Variants in NTM observed in about 807,000 individuals in gnomAD.
NTM encodes the protein neurotrimin.
A neutral mutation model predicts 42.1 loss-of-function variants in NTM; 13 were observed. The observed-to-expected ratio is 0.31, with a 90% confidence interval of 0.20 to 0.49. NTM has a LOEUF of 0.49. NTM is among the 20% of genes least tolerant of loss of function. The pLI is 0.99. For synonymous variants in NTM, 187 were observed against 179.2 expected, an observed-to-expected ratio of 1.04 and a Z score of -0.35; for missense variants, 373 against 452.8, an observed-to-expected ratio of 0.82 and a Z score of 1.60.
At chr11:131,717,099 C>T (rs914006542) in intron 1 of NTM, among the ~76,000 whole-genome samples, 9 of 152,164 alleles carry the variant, frequency 5.9e-5, no homozygotes, top group African/African-American at 9.7e-5. Flanking sequence ...TCTCACCCTC[C>T]CAAAGTGCTG....
At chr11:131,460,197 C>CT (rs1290896255) in intron 1 of NTM, among the ~76,000 whole-genome samples, 1 of 152,138 alleles carries the variant, frequency 6.6e-6, no homozygotes, top group Non-Finnish European at 1.5e-5. Flanking sequence ...GATGAATAGA[C>CT]TAGGTCATGT....
Position 132,003,824 on chromosome 11 carries a change from ATGT to A in NTM, c.167+92181_167+92183del, listed in dbSNP as rs1273241555. On this transcript the variant is annotated intron_variant, in intron 2 of 8. Transcript: ENST00000683400. The surrounding 1 kb of genome is among the most constrained non-coding windows in gnomAD (Gnocchi z 6.0). ...CACTTACAGAACCAGCTTCATTGAG[ATGT>A]TGTTTAAAATTGATTTCTCACCTAG... 6.6e-6 allele frequency among the ~76,000 whole-genome samples: 1 copy of A among 152,126 alleles called. No homozygotes were observed. Among genetic ancestry groups the A allele is most frequent in the East Asian group, 1.9e-4 (1 of 5,192 alleles).
At chr11:132,220,885 A>G (rs1306044276) in intron 4 of NTM, among the ~76,000 whole-genome samples, 1 of 152,216 alleles carries the variant, frequency 6.6e-6, no homozygotes, top group African/African-American at 2.4e-5. Context: ...TAGCCCCTAC[A>G]GGGCAGGAGA....
chr11:132,139,328 C>CA (rs201510678), intron 2 of NTM, among the ~76,000 whole-genome samples: 298 of 152,074 alleles, frequency 2.0e-3, no homozygotes, highest in African/African-American at 6.6e-3. Context: ...GTTATTGAAT[C>CA]AAAAAAATGG....
rs148788166 is a variant in NTM, at chr11:132,003,074, C to T, written c.167+91426C>T. ...AGTGAGCGCACTAAACAGTAAGATG[C>T]GCTGCCACAGTTGTGTGTGTAATTG... is the stretch of plus-strand genomic sequence containing the variant. On this transcript the variant is annotated intron_variant, in intron 2 of 8. Transcript: ENST00000683400. This position sits in a 1 kb window ranked among gnomAD's most constrained non-coding sequence, Gnocchi z 6.0. Among the ~76,000 whole-genome samples, 1,456 of 152,130 alleles carry T rather than the reference C, an allele frequency of 9.6e-3. 13 individuals carry two copies. Among genetic ancestry groups the T allele is most frequent in the Non-Finnish European group, 0.016 (1,101 of 68,018 alleles).
chr11:131,507,126 T>G (rs542292732), intron 1 of NTM, among the ~76,000 whole-genome samples: 1 of 152,298 alleles, frequency 6.6e-6, no homozygotes, highest in South Asian at 2.1e-4. Flanking sequence ...ATTATTTTCT[T>G]TCCACTTCAG....
chr11:131,998,024 C>T (rs1343944460), intron 2 of NTM, among the ~76,000 whole-genome samples: 1 of 152,048 alleles, frequency 6.6e-6, no homozygotes, highest in Non-Finnish European at 1.5e-5. Flanking sequence ...TCAAGGCAAC[C>T]CCTCCCACCC....
chr11:132,167,864 A>G (rs1323564549), intron 3 of NTM, among the ~76,000 whole-genome samples: 1 of 152,196 alleles, frequency 6.6e-6, no homozygotes, highest in Non-Finnish European at 1.5e-5. Flanking sequence ...TGACCCAGAT[A>G]TCCAGACCAG....
intron 1 of NTM, among the ~76,000 whole-genome samples, chr11:131,889,519 A>C (rs996623782): frequency 6.6e-6 from 1 of 152,144 alleles, no homozygotes; most frequent in Non-Finnish European, 1.5e-5. Context: ...TTGACGGCCC[A>C]GTGTGTGGGC....
At chr11:131,488,091 A>G (rs530263704) in intron 1 of NTM, among the ~76,000 whole-genome samples, 1 of 152,264 alleles carries the variant, frequency 6.6e-6, no homozygotes, top group South Asian at 2.1e-4. Context: ...CAGACTCTAT[A>G]CCTACAGGGG....
At chr11:131,725,608 C>A (rs789544) in intron 1 of NTM, among the ~76,000 whole-genome samples, 1 of 152,004 alleles carries the variant, frequency 6.6e-6, no homozygotes, top group Non-Finnish European at 1.5e-5. Flanking sequence ...ACATCAAGGA[C>A]GTCACAGTAG....
chr11:131,484,017 G>A (rs1342630812), intron 1 of NTM, among the ~76,000 whole-genome samples: 5 of 152,290 alleles, frequency 3.3e-5, no homozygotes, highest in Admixed American at 2.0e-4. Flanking sequence ...TAGCCATGGC[G>A]CCCTAATTTT....
chr11:131,704,885 GT>G (rs1356649370), intron 1 of NTM, among the ~76,000 whole-genome samples: 1 of 152,108 alleles, frequency 6.6e-6, no homozygotes, highest in Non-Finnish European at 1.5e-5. Flanking sequence ...AGGAGAATCA[GT>G]GAGCTCAAAG....
chr11:131,611,210 T>A (rs950766931), intron 1 of NTM, among the ~76,000 whole-genome samples: 1 of 152,140 alleles, frequency 6.6e-6, no homozygotes, highest in African/African-American at 2.4e-5. Flanking sequence ...CAAAAAAATG[T>A]GAGTCAGGAA....
intron 1 of NTM, among the ~76,000 whole-genome samples, chr11:131,403,908 A>G (rs530181796): frequency 6.6e-6 from 1 of 152,260 alleles, no homozygotes; most frequent in South Asian, 2.1e-4. Flanking sequence ...ATCTCAATTT[A>G]TGCTCTGGGG....
At chr11:131,716,290 T>C (rs1385322258) in intron 1 of NTM, among the ~76,000 whole-genome samples, 1 of 152,140 alleles carries the variant, frequency 6.6e-6, no homozygotes, top group Non-Finnish European at 1.5e-5. Context: ...TACCATCACC[T>C]TGAGAGTTAG....
chr11:131,376,459 CT>C (rs1384670493), intron 1 of NTM, among the ~76,000 whole-genome samples: 8 of 152,138 alleles, frequency 5.3e-5, no homozygotes, highest in African/African-American at 1.9e-4. Flanking sequence ...GAGAAATGGC[CT>C]TTTGTTTATT....
chr11:132,229,376 C>T (rs370187641), intron 4 of NTM, among the ~76,000 whole-genome samples: 27 of 152,244 alleles, frequency 1.8e-4, no homozygotes, highest in African/African-American at 4.3e-4. Context: ...GGTTTCACTC[C>T]GAACTCATTA....
chr11:131,488,021 G>A (rs60184870), intron 1 of NTM, among the ~76,000 whole-genome samples: 10,139 of 152,208 alleles, frequency 0.067, 1,124 homozygotes, highest in African/African-American at 0.23. Flanking sequence ...TCAACACATA[G>A]CACCAGTGCC....
Sources: allele counts gnomAD v4.1 joint callset (sites outside exome capture counted in the v4.1 genomes callset), GRCh38; gene constraint gnomAD v4.1.1; non-coding constraint Gnocchi (gnomAD v3.1); transcripts MANE v1.5; gene names NCBI Gene and HGNC (gene_info 2026-07-23, HGNC 2026-07-21).